Variants in INO80 observed in about 807,000 individuals in gnomAD.
INO80 encodes the protein chromatin-remodeling ATPase INO80.
In INO80, 20 loss-of-function variants were observed where a neutral mutation model predicts 203.4. The observed-to-expected ratio is 0.10, with a 90% CI of 0.07 to 0.14. The LOEUF is 0.14. INO80 is among the 10% of genes least tolerant of loss of function. The pLI is 1.00. For missense variants in INO80, 1,419 were observed against 1,914.4 expected, an observed-to-expected ratio of 0.74 and a Z score of 4.83; for synonymous variants, 726 against 685.2, an observed-to-expected ratio of 1.06 and a Z score of -0.93.
At chr15:41,082,899 C>T (rs1421303342) in intron 7 of INO80, among the ~76,000 whole-genome samples, 1 of 150,726 alleles carries the variant, frequency 6.6e-6, no homozygotes, top group African/African-American at 2.4e-5. Flanking sequence ...GAAATGAAAA[C>T]TCATTTCTTT....
At chr15:41,035,356 C>T (rs532701797) in intron 24 of INO80, among the ~76,000 whole-genome samples, 1 of 152,158 alleles carries the variant, frequency 6.6e-6, no homozygotes, top group African/African-American at 2.4e-5. Flanking sequence ...AGGGGAATCC[C>T]TTGAGGCCAA....
intron 20 of INO80, 31 bp from the exon 21 acceptor site, chr15:41,049,451 T>C (rs769194142): frequency 1.2e-6 from 2 of 1,609,082 alleles, no homozygotes; most frequent in Middle Eastern, 1.7e-4. Flanking sequence ...AAGACAATAT[T>C]ACCACATGCA....
chr15:41,069,755 T>A, intron 13 of INO80, 90 bp from the exon 14 acceptor site: 1 of 716,346 alleles, frequency 1.4e-6, no homozygotes, highest in Non-Finnish European at 2.4e-6. Flanking sequence ...AATCTAAGAA[T>A]AGGAAACAAA....
At chr15:41,092,913 T>C (rs1219258459) in intron 4 of INO80, among the ~76,000 whole-genome samples, 5 of 152,074 alleles carry the variant, frequency 3.3e-5, no homozygotes, top group African/African-American at 9.7e-5. Flanking sequence ...CATGTGCCTA[T>C]AGTCCCAGCT....
chr15:41,045,031 T>G lies in INO80; in HGVS notation c.2780A>C (p.His927Pro). 6.2e-7 allele frequency: 1 copy of G among 1,613,216 alleles called. No individual in the cohort carries two copies. Among genetic ancestry groups the G allele is most frequent in the Non-Finnish European group, 8.5e-7 (1 of 1,179,782 alleles). ...TGGCGCTCCCCAGGAGCGTAGCTGA[T>G]GGAGCCTGTAGGAGGCTTTCAGAGA... ...FLSLKASYRL[H>P]QLRSWGAPEG... The change falls in exon 24 of 36, where the codon CAT becomes CCT. Residue 927 changes from histidine (H) to proline (P), a missense_variant. Physicochemically the swap from His to Pro is moderately conservative, Grantham distance 77. This residue lies in a region of INO80 where 302 missense variants were observed against 345.4 expected (regional missense o/e 0.87). Coordinates refer to ENST00000648947, the MANE Select transcript of INO80 (RefSeq NM_017553.3).
At chr15:41,018,649 T>C (rs1207959961) in intron 26 of INO80, 1 of 152,222 alleles carries the variant, frequency 6.6e-6, no homozygotes, top group Non-Finnish European at 1.5e-5. Context: ...AGAAAATCAG[T>C]CTCTAGTATT....
At position 41,074,416 on chromosome 15, in the gene INO80, G is replaced by A. The variant is rs574924831; in HGVS notation, c.1281C>T (p.Ile427=). Residue 427 remains isoleucine, a synonymous_variant, in exon 10 of 36, where the codon ATC becomes ATT. Transcript: ENST00000648947. The stretch of plus-strand genomic sequence containing the variant: ...TAACTACCACTCCTCCACCTATATC[G>A]ATTTGTCTCTGGGTAGAACTGTCTT... The part of the protein sequence containing the change: ...KLEDSSTQRQ[I]DIGGGVVVNI... 40 of 1,613,680 alleles carry A rather than the reference G, an allele frequency of 2.5e-5. No individual in the cohort carries two copies. In the East Asian group the frequency reaches 2.9e-4, roughly 12 times the overall value.
chr15:41,055,654 ATCT>A (rs946472199), intron 17 of INO80, among the ~76,000 whole-genome samples: 55 of 152,342 alleles, frequency 3.6e-4, no homozygotes, highest in African/African-American at 1.2e-3. Flanking sequence ...AGTTTTAACG[ATCT>A]TCTTATAAAA....
chr15:40,990,745 C>A (rs1172372645), intron 29 of INO80, among the ~76,000 whole-genome samples: 2 of 152,142 alleles, frequency 1.3e-5, no homozygotes, highest in African/African-American at 4.8e-5. Context: ...TCCAGAAGAC[C>A]AAGTTTGAAC....
chr15:41,070,347 C>G (rs1321779012), intron 13 of INO80, 120 bp downstream of exon 13: 2 of 887,870 alleles, frequency 2.3e-6, no homozygotes, highest in Admixed American at 5.0e-5. Flanking sequence ...GAGGCAAGAA[C>G]CCAGTCCCAC....
chr15:41,005,464 G>A, intron 28 of INO80, 129 bp downstream of exon 28: 1 of 575,436 alleles, frequency 1.7e-6, no homozygotes, highest in South Asian at 2.3e-5. Flanking sequence ...TTCTTAAAAT[G>A]GCAGGAATTA....
Position 41,069,591 on chromosome 15 carries a change from A to G in INO80, c.1761T>C (p.Thr587=). The change falls in exon 14 of 36, where the codon ACT becomes ACC. Residue 587 remains threonine (T), a synonymous_variant. Coordinates refer to ENST00000648947, the MANE Select transcript of INO80 (RefSeq NM_017553.3). ...STLNNWHQEF[T]RFVPKFKVLP... is the part of the protein sequence containing the mutation. ...TTACCTTAAATTTAGGAACAAATCT[A>G]GTAAACTCCTGGTGCCAATTGTTAA... The G allele has an allele frequency of 6.2e-7, 1 of 1,601,754 alleles. No homozygotes were observed. The highest frequency in any genetic ancestry group is 8.5e-7 in the Non-Finnish European group (1 of 1,170,564).
intron 19 of INO80, among the ~76,000 whole-genome samples, chr15:41,053,113 A>T (rs189497161): frequency 2.7e-5 from 4 of 149,438 alleles, no homozygotes; most frequent in African/African-American, 7.4e-5. Context: ...TTATTCTGAC[A>T]TTTTTTTTTT....
chr15:41,075,407 G>A (rs2045387901), intron 9 of INO80, among the ~76,000 whole-genome samples: 2 of 151,880 alleles, frequency 1.3e-5, no homozygotes, highest in African/African-American at 4.8e-5. Context: ...AAGTAGCTGG[G>A]ACTATAGGCG....
At chr15:41,058,495 T>C (rs2045036316) in intron 16 of INO80, 144 bp downstream of exon 16, 3 of 783,248 alleles carry the variant, frequency 3.8e-6, no homozygotes, top group Non-Finnish European at 5.6e-6. Flanking sequence ...ACCTTGTCTC[T>C]ATTAAAAAAA....
intron 28 of INO80, among the ~76,000 whole-genome samples, chr15:40,999,916 C>T (rs117758280): frequency 0.025 from 3,752 of 152,172 alleles, 81 homozygotes; most frequent in Non-Finnish European, 0.038. Flanking sequence ...TACAGAAAGA[C>T]CCTGCATCTA....
At chr15:40,987,308 C>A in intron 30 of INO80, 115 bp from the exon 31 acceptor site, 1 of 602,820 alleles carries the variant, frequency 1.7e-6, no homozygotes. Flanking sequence ...CTCTGGTTTC[C>A]TATTTCTTCT....
intron 24 of INO80, among the ~76,000 whole-genome samples, chr15:41,042,616 G>A (rs892176051): frequency 3.3e-5 from 5 of 152,122 alleles, no homozygotes; most frequent in Non-Finnish European, 7.4e-5. Flanking sequence ...TGGGATTACA[G>A]GCGTGTGCCA....
chr15:41,013,843 T>A (rs1283698748), intron 27 of INO80, among the ~76,000 whole-genome samples: 1 of 152,210 alleles, frequency 6.6e-6, no homozygotes, highest in Non-Finnish European at 1.5e-5. Context: ...TCAGCAGTTG[T>A]GAAATTCAGG....
Sources: allele counts gnomAD v4.1 joint callset (sites outside exome capture counted in the v4.1 genomes callset), GRCh38; gene constraint gnomAD v4.1.1; regional missense constraint gnomAD v4.1.1; transcripts MANE v1.5; gene names NCBI Gene and HGNC (gene_info 2026-07-23, HGNC 2026-07-21).